Variants in FOXP2 observed in about 807,000 individuals in gnomAD.
FOXP2 encodes the protein forkhead box protein P2.
A neutral mutation model predicts 115.8 loss-of-function variants in FOXP2; 12 were observed. That is an observed-to-expected ratio of 0.10 (90% CI 0.07 to 0.17). The LOEUF is 0.17. Among genes scored for constraint, FOXP2 ranks in the 10% least tolerant of loss-of-function variants. The pLI is 1.00. For synonymous variants in FOXP2, 328 were observed against 297.7 expected, an observed-to-expected ratio of 1.10 and a Z score of -1.05; for missense variants, 629 against 843.5, an observed-to-expected ratio of 0.75 and a Z score of 3.15.
intron 2 of FOXP2, among the ~76,000 whole-genome samples, chr7:114,516,032 C>A (rs1798324517): frequency 6.6e-6 from 1 of 152,146 alleles, no homozygotes. Flanking sequence ...CTACCAATGA[C>A]TTTCTTCACA....
intron 7 of FOXP2, 81 bp from the exon 8 acceptor site, chr7:114,644,604 A>G (rs1805766971): frequency 8.4e-7 from 1 of 1,185,790 alleles, no homozygotes; most frequent in African/African-American, 1.5e-5. Context: ...TTTGTCACTG[A>G]TCGTAACCTG....
intron 2 of FOXP2, among the ~76,000 whole-genome samples, chr7:114,523,213 A>T (rs1798707193): frequency 2.0e-5 from 3 of 152,308 alleles, no homozygotes; most frequent in Admixed American, 6.5e-5. Context: ...TAGGGATGAG[A>T]TCATACAGAA....
At chr7:114,129,696 GT>G (rs1791819338) in intron 1 of FOXP2, among the ~76,000 whole-genome samples, 1 of 152,140 alleles carries the variant, frequency 6.6e-6, no homozygotes, top group South Asian at 2.1e-4. Flanking sequence ...TAGCACTATG[GT>G]GTTGGCCGAA....
chr7:114,356,120 C>CA (rs1321829018), intron 2 of FOXP2, among the ~76,000 whole-genome samples: 1 of 151,928 alleles, frequency 6.6e-6, no homozygotes, highest in African/African-American at 2.4e-5. Flanking sequence ...TAGAAAGGCC[C>CA]AAATTATAAA....
chr7:114,200,940 A>C (rs969297776), intron 1 of FOXP2, among the ~76,000 whole-genome samples: 3 of 152,108 alleles, frequency 2.0e-5, no homozygotes, highest in Non-Finnish European at 2.9e-5. Flanking sequence ...GGATCACCTG[A>C]GGTCAGGTGT....
intron 2 of FOXP2, among the ~76,000 whole-genome samples, chr7:114,528,072 C>G (rs1314328508): frequency 6.6e-6 from 1 of 152,066 alleles, no homozygotes; most frequent in Non-Finnish European, 1.5e-5. Flanking sequence ...CATGAAGACT[C>G]TTTGTCATTT....
chr7:114,242,270 G>A (rs886590742), intron 1 of FOXP2, among the ~76,000 whole-genome samples: 10 of 151,960 alleles, frequency 6.6e-5, no homozygotes, highest in African/African-American at 2.4e-4. Flanking sequence ...GACACATGAT[G>A]ATTTTGTAGA....
chr7:114,253,363 C>T lies in FOXP2; in HGVS notation c.-101-34656C>T, dbSNP rs1314413727. Reference sequence around the variant, plus strand: ...GGATATCCTTGTTAACTTTCTGTCTCGTTGATCTGTCTAATGTTGACAGTG... The same window carrying T: ...GGATATCCTTGTTAACTTTCTGTCTTGTTGATCTGTCTAATGTTGACAGTG... On this transcript the variant is annotated intron_variant, in intron 1 of 17. Coordinates refer to the FOXP2 transcript ENST00000634411. Among the ~76,000 whole-genome samples, 7 of 152,062 alleles carry T rather than the reference C, an allele frequency of 4.6e-5. No individual in the cohort carries two copies. The South Asian group carries it at 1.2e-3, about 27-fold the overall frequency.
At chr7:114,337,006 C>T (rs1008514995) in intron 2 of FOXP2, among the ~76,000 whole-genome samples, 1 of 151,426 alleles carries the variant, frequency 6.6e-6, no homozygotes, top group African/African-American at 2.4e-5. Context: ...CATGCAGATA[C>T]ATAATAAGCA....
chr7:114,683,737 C>G (rs1231581912), intron 16 of FOXP2, among the ~76,000 whole-genome samples: 1 of 152,056 alleles, frequency 6.6e-6, no homozygotes, highest in Non-Finnish European at 1.5e-5. Context: ...GGAAACACAG[C>G]CTGAGTCTCC....
At chr7:114,334,625 TA>T (rs1349141007) in intron 2 of FOXP2, among the ~76,000 whole-genome samples, 5 of 116,254 alleles carry the variant, frequency 4.3e-5, no homozygotes, top group African/African-American at 2.8e-5. Context: ...TACTGGAGAT[TA>T]AAAAAAAAGA....
chr7:114,468,990 G>T (rs1297783679), intron 2 of FOXP2, among the ~76,000 whole-genome samples: 2 of 152,056 alleles, frequency 1.3e-5, no homozygotes, highest in African/African-American at 2.4e-5. Context: ...TCTATTCTCA[G>T]TCTTCACTTG....
Position 114,312,534 on chromosome 7 carries a change from C to G in FOXP2, c.-11+24425C>G, listed in dbSNP as rs144700580. Among the ~76,000 whole-genome samples the G allele has an allele frequency of 4.5e-3, 685 of 152,294 alleles. 4 individuals are homozygous for G. Among genetic ancestry groups the G allele is most frequent in the African/African-American group, 0.016 (658 of 41,560 alleles). ...TGTCTCTGTTAACATCTTATCCTTT[C>G]TCAAACCTGTTGGGTTTAGGGTATG... is the stretch of plus-strand genomic sequence containing the variant. On this transcript the variant is annotated intron_variant, in intron 2 of 17. Transcript: ENST00000634411.
chr7:114,406,930 C>T (rs1018867985), intron 2 of FOXP2, among the ~76,000 whole-genome samples: 4 of 151,822 alleles, frequency 2.6e-5, no homozygotes, highest in African/African-American at 7.2e-5. Flanking sequence ...AAGTTGGAAG[C>T]GTTTAAGAAT....
At chr7:114,400,427 T>A (rs1245004228) in intron 2 of FOXP2, among the ~76,000 whole-genome samples, 2 of 152,132 alleles carry the variant, frequency 1.3e-5, no homozygotes, top group Non-Finnish European at 2.9e-5. Context: ...ATTCAAATTT[T>A]CCTAATTGTA....
Position 114,399,816 on chromosome 7 carries a change from A to ACC in FOXP2, c.-10-26685_-10-26684dup, listed in dbSNP as rs1348046212. Among the ~76,000 whole-genome samples, 3 of 150,492 alleles carry ACC rather than the reference A, an allele frequency of 2.0e-5. No individual in the cohort carries two copies. In the East Asian group the frequency reaches 5.8e-4, roughly 29 times the overall value. ...AAAGGGAGACAGAGAATACATCCAA[A>ACC]CCTTAATTTCGAAGTGTCAAAATCA... On this transcript the variant is annotated intron_variant, in intron 2 of 17. Transcript: ENST00000634411.
chr7:114,396,677 G>C (rs565348138), intron 2 of FOXP2, among the ~76,000 whole-genome samples: 8 of 151,838 alleles, frequency 5.3e-5, no homozygotes, highest in African/African-American at 1.9e-4. Flanking sequence ...GAGGGTGGTG[G>C]TGGTGGTGGT....
chr7:114,219,868 G>GT (rs1467065118), intron 1 of FOXP2, among the ~76,000 whole-genome samples: 1 of 150,554 alleles, frequency 6.6e-6, no homozygotes, highest in Non-Finnish European at 1.5e-5. Context: ...TGTTTGTTTT[G>GT]TTTTTTCTAA....
intron 1 of FOXP2, among the ~76,000 whole-genome samples, chr7:114,221,333 G>A (rs535490864): frequency 1.3e-5 from 2 of 152,010 alleles, no homozygotes. Flanking sequence ...AAGTCAATGG[G>A]CAGAGGGCTG....
Sources: allele counts gnomAD v4.1 joint callset (sites outside exome capture counted in the v4.1 genomes callset), GRCh38; gene constraint gnomAD v4.1.1; transcripts MANE v1.5; gene names NCBI Gene and HGNC (gene_info 2026-07-23, HGNC 2026-07-21).